Variants in CLNK observed in about 807,000 individuals in gnomAD.
CLNK encodes the protein cytokine dependent hematopoietic cell linker.
Under a neutral mutation model 68.6 loss-of-function variants are expected in CLNK, and 74 were observed. The ratio of observed to expected loss-of-function variants is 1.08; its 90% CI spans 0.89 to 1.31. CLNK has a LOEUF of 1.31. Among genes scored for constraint, CLNK ranks in the 50% most tolerant of loss-of-function variants. CLNK has a pLI of 0.00. For synonymous variants in CLNK, 198 were observed against 172.2 expected (o/e 1.15, Z -1.17); for missense variants, 553 against 515.3 (o/e 1.07, Z -0.71).
At chr4:10,640,644 C>T (rs1428227627) in intron 2 of CLNK, among the ~76,000 whole-genome samples, 2 of 152,220 alleles carry the variant, frequency 1.3e-5, no homozygotes, top group African/African-American at 4.8e-5. Flanking sequence ...GATCCTATGG[C>T]CAGGCTATTA....
chr4:10,520,732 C>T (rs1015991427), intron 15 of CLNK, 59 bp downstream of exon 15: 2 of 1,320,548 alleles, frequency 1.5e-6, no homozygotes, highest in African/African-American at 1.4e-5. Context: ...GTCACAGTGC[C>T]ACAATATCAC....
chr4:10,490,199 A>T lies in CLNK; in HGVS notation c.*268T>A. The T allele has an allele frequency of 3.0e-6, 1 of 328,996 alleles. No individual in the cohort carries two copies. Among genetic ancestry groups the T allele is most frequent in the Non-Finnish European group, 5.5e-6 (1 of 183,008 alleles). 20.4% of individuals were successfully genotyped at this position (328,996 alleles called of 1,614,324 possible). ...ATTTTTTGTTGTTGTTTTTTAGAAG[A>T]TACTTTTAAAACCCTAGTTTTTATT... On this transcript the variant is annotated 3_prime_UTR_variant, in exon 19 of 19. Transcript: ENST00000226951.
At chr4:10,662,338 G>T (rs1267042795) in intron 2 of CLNK, among the ~76,000 whole-genome samples, 5 of 152,184 alleles carry the variant, frequency 3.3e-5, no homozygotes, top group Admixed American at 6.5e-5. Context: ...ATCCCCTGGG[G>T]CCAGGAATTC....
chr4:10,555,728 A>G (rs1719644393), intron 8 of CLNK, among the ~76,000 whole-genome samples: 1 of 152,224 alleles, frequency 6.6e-6, no homozygotes, highest in Non-Finnish European at 1.5e-5. Context: ...TTATTCTATG[A>G]TATTTTTGTG....
At chr4:10,686,817 A>T (rs999160495), upstream of CLNK, among the ~76,000 whole-genome samples, 4 of 152,178 alleles carry the variant, frequency 2.6e-5, no homozygotes, top group African/African-American at 9.6e-5. Context: ...GTCTAATGAT[A>T]TGAATATTTC....
intron 4 of CLNK, among the ~76,000 whole-genome samples, chr4:10,572,421 G>A (rs896445754): frequency 2.5e-4 from 38 of 152,164 alleles, no homozygotes; most frequent in Admixed American, 6.5e-4. Context: ...GGGTCATTGA[G>A]CCCACTCAGT....
the CLNK span, among the ~76,000 whole-genome samples, chr4:10,724,381 A>G: frequency 4.6e-5 from 7 of 152,118 alleles, no homozygotes; most frequent in Admixed American, 2.0e-4. Flanking sequence ...CTATGCTCAG[A>G]ATTTGAATCC....
intron 18 of CLNK, among the ~76,000 whole-genome samples, chr4:10,495,897 G>A (rs141396317): frequency 8.7e-4 from 132 of 152,236 alleles, no homozygotes; most frequent in African/African-American, 2.8e-3. Context: ...CATAAACCAA[G>A]GAAGACAAGG....
At chr4:10,537,709 TTC>T (rs1718847190) in intron 11 of CLNK, among the ~76,000 whole-genome samples, 1 of 100,932 alleles carries the variant, frequency 9.9e-6, no homozygotes, top group Non-Finnish European at 2.0e-5. Flanking sequence ...CTTCCTTCCT[TTC>T]TTTCTTTCTT....
chr4:10,576,159 C>T (rs1461435737), intron 4 of CLNK, among the ~76,000 whole-genome samples: 1 of 152,218 alleles, frequency 6.6e-6, no homozygotes, highest in Non-Finnish European at 1.5e-5. Flanking sequence ...AACCTTCCTC[C>T]TCCCTCACTG....
At chr4:10,732,494 G>A in the CLNK span, among the ~76,000 whole-genome samples, 3 of 152,124 alleles carry the variant, frequency 2.0e-5, no homozygotes. Flanking sequence ...GAGACGAGGG[G>A]GTTTTCCACT....
At chr4:10,503,983 A>G (rs1717172448) in intron 17 of CLNK, among the ~76,000 whole-genome samples, 2 of 150,946 alleles carry the variant, frequency 1.3e-5, no homozygotes, top group South Asian at 4.2e-4. Flanking sequence ...GGGTTTCACC[A>G]TGTTGGCCAG....
the CLNK span, among the ~76,000 whole-genome samples, chr4:10,710,665 C>T: frequency 6.6e-6 from 1 of 152,154 alleles, no homozygotes; most frequent in Non-Finnish European, 1.5e-5. Context: ...CTGTGAAGTG[C>T]TCAACTCCAA....
intron 8 of CLNK, among the ~76,000 whole-genome samples, chr4:10,554,040 CT>C (rs1177257813): frequency 6.6e-6 from 1 of 152,152 alleles, no homozygotes; most frequent in Non-Finnish European, 1.5e-5. Flanking sequence ...GGAGATTCTG[CT>C]ATTTTAAAAC....
chr4:10,648,660 C>A (rs1300975443), intron 2 of CLNK, among the ~76,000 whole-genome samples: 1 of 152,074 alleles, frequency 6.6e-6, no homozygotes, highest in Non-Finnish European at 1.5e-5. Context: ...AAAGGTTTTG[C>A]CTGGGTTCAC....
intron 2 of CLNK, among the ~76,000 whole-genome samples, chr4:10,627,494 C>A (rs968931529): frequency 3.9e-5 from 6 of 152,128 alleles, no homozygotes; most frequent in African/African-American, 1.4e-4. Context: ...ACATAGAGTA[C>A]TATGTTAGGT....
At chr4:10,609,477 T>C (rs1001364309) in intron 2 of CLNK, among the ~76,000 whole-genome samples, 3 of 152,234 alleles carry the variant, frequency 2.0e-5, no homozygotes, top group Non-Finnish European at 2.9e-5. Context: ...TTTCAGTGAC[T>C]GCCACCTGCA....
intron 7 of CLNK, 93 bp downstream of exon 7, chr4:10,564,578 A>C (rs925146803): frequency 1.2e-6 from 1 of 849,594 alleles, no homozygotes; most frequent in African/African-American, 1.7e-5. Flanking sequence ...TTTCCCTAAT[A>C]AGATGGCCTG....
At chr4:10,672,242 G>C (rs77247535) in intron 1 of CLNK, among the ~76,000 whole-genome samples, 492 of 152,328 alleles carry the variant, frequency 3.2e-3, no homozygotes, top group African/African-American at 0.011. Flanking sequence ...GTGCATGCCA[G>C]ACACTGGATC....
Sources: gnomAD v4.1 joint callset for allele counts (sites outside exome capture counted in the v4.1 genomes callset) on GRCh38, gnomAD v4.1.1 for gene constraint, MANE v1.5 for transcripts, NCBI Gene and HGNC (gene_info 2026-07-23, HGNC 2026-07-21) for gene names.